The following CD160 variants were observed in gnomAD, a reference collection of about 807,000 sequenced individuals.
CD160 encodes the protein CD160 antigen.
A neutral mutation model predicts 19.2 loss-of-function variants in CD160; 11 were observed. That is an observed-to-expected ratio of 0.57 (90% CI 0.36 to 0.95). The LOEUF (loss-of-function observed/expected upper bound fraction) is 0.95, where lower values mean the gene tolerates loss of function less well. Among genes scored for constraint, CD160 ranks in the 40% least tolerant of loss-of-function variants. The pLI is 0.01. For synonymous variants in CD160, 75 were observed against 81.1 expected (o/e 0.93, Z 0.40); for missense variants, 182 against 213.2 (o/e 0.85, Z 0.91).
chr1:145,720,495 C>T (rs1481996253), intron 1 of CD160, among the ~76,000 whole-genome samples: 1 of 152,190 alleles, frequency 6.6e-6, no homozygotes, highest in Non-Finnish European at 1.5e-5. Context: ...AAGTCTGGTT[C>T]TACTTTAAGG....
At chr1:145,730,516 CTTAA>C (rs1657245147) in intron 3 of CD160, among the ~76,000 whole-genome samples, 1 of 152,090 alleles carries the variant, frequency 6.6e-6, no homozygotes. Flanking sequence ...TATTTAGTCC[CTTAA>C]TTTTCATTTT....
At position 145,730,786 on chromosome 1, in the gene CD160, G is replaced by A. The variant is rs1461357699; in HGVS notation, c.116G>A (p.Arg39Gln). Reference protein sequence around the residue: ...ITSSASQEGTRLNLICTVWHK... With the variant: ...ITSSASQEGTQLNLICTVWHK... The stretch of plus-strand genomic sequence containing the variant: ...AGCTCAGCTTCCCAGGAAGGAACGC[G>A]ACTAAACTTAATCTGTACTGTATGG... The change falls in exon 4 of 6, where the codon CGA becomes CAA. Residue 39 changes from arginine (R) to glutamine (Q), a missense_variant. Physicochemically the swap from Arg to Gln is conservative, Grantham distance 43 (BLOSUM62 1). Transcript: ENST00000369288. 1.3e-5 allele frequency: 21 copies of A among 1,613,894 alleles called. No individual in the cohort carries two copies. The highest frequency in any genetic ancestry group is 1.1e-4 in the African/African-American group (8 of 74,912).
At chr1:145,719,916 A>G (rs1375345726) in intron 1 of CD160, among the ~76,000 whole-genome samples, 1 of 152,082 alleles carries the variant, frequency 6.6e-6, no homozygotes, top group Non-Finnish European at 1.5e-5. Flanking sequence ...CCTGTGAGGC[A>G]CCTCCGGGGG....
At chr1:145,720,569 C>A (rs587693140) in intron 1 of CD160, among the ~76,000 whole-genome samples, 1 of 152,148 alleles carries the variant, frequency 6.6e-6, no homozygotes, top group Middle Eastern at 3.2e-3. Context: ...TCTTTCTGGG[C>A]ATCTTTTTCA....
At chr1:145,733,131 T>C (rs1310614854) in intron 4 of CD160, among the ~76,000 whole-genome samples, 1 of 152,166 alleles carries the variant, frequency 6.6e-6, no homozygotes, top group African/African-American at 2.4e-5. Flanking sequence ...TACTTTTTTT[T>C]TTCTTTTTCT....
rs181920344 is a variant in CD160 at position 145,733,850 on chromosome 1, G to A, written c.401-2147G>A. On this transcript the variant is annotated intron_variant, in intron 4 of 5. Transcript: ENST00000369288. ...CTCTCCCTAGTTCTCATCTACCCACGATTTAAACCAGCATCTCCCTGCAAC... is the reference window on the plus strand; with the variant it reads ...CTCTCCCTAGTTCTCATCTACCCACAATTTAAACCAGCATCTCCCTGCAAC... 5.3e-5 allele frequency among the ~76,000 whole-genome samples: 8 copies of A among 152,040 alleles called. No homozygotes were observed. In the East Asian group the frequency reaches 9.7e-4, roughly 18 times the overall value.
rs587774200 is a variant in CD160, at chr1:145,738,800, C to A, written c.*307C>A. On this transcript the variant is annotated 3_prime_UTR_variant, in exon 6 of 6. Coordinates refer to ENST00000369288, the MANE Select transcript of CD160 (RefSeq NM_007053.4). ...CGGATAAATATATGCGTTTTTGTAC[C>A]CCAGAAAAACTTTTCCTCCCTCTTC... 10 of 236,200 alleles carry A rather than the reference C, an allele frequency of 4.2e-5. No homozygotes were observed. The highest frequency in any genetic ancestry group is 7.3e-5 in the Non-Finnish European group (9 of 122,682). 14.6% of individuals were successfully genotyped at this position (236,200 alleles called of 1,614,324 possible). A position where few individuals can be genotyped will look rare whatever the true frequency, so the allele number is the denominator to read the frequency against.
chr1:145,738,252 AT>A (rs1553710510), intron 5 of CD160: 1 of 344,754 alleles, frequency 2.9e-6, no homozygotes, highest in Non-Finnish European at 5.3e-6. Flanking sequence ...GCAAGGAGCG[AT>A]CAAAGGCTAG....
At chr1:145,736,688 G>C (rs1257422388) in intron 5 of CD160, 1 of 159,758 alleles carries the variant, frequency 6.3e-6, no homozygotes, top group Non-Finnish European at 1.4e-5. Flanking sequence ...AACTGATTCA[G>C]GTTTTTGCCT....
At chr1:145,725,351 A>C (rs782802757) in intron 2 of CD160, among the ~76,000 whole-genome samples, 1 of 152,070 alleles carries the variant, frequency 6.6e-6, no homozygotes, top group Non-Finnish European at 1.5e-5. Flanking sequence ...AGGCTGAGGC[A>C]GGAGAATCGC....
chr1:145,737,879 A>G (rs1553710429), intron 5 of CD160: 1 of 152,168 alleles, frequency 6.6e-6, no homozygotes, highest in African/African-American at 2.4e-5. Context: ...AAGTTAACCA[A>G]AGGAAAAAAC....
chr1:145,732,161 T>C (rs1657322408), intron 4 of CD160, among the ~76,000 whole-genome samples: 1 of 152,082 alleles, frequency 6.6e-6, no homozygotes, highest in Non-Finnish European at 1.5e-5. Context: ...GAGCAAGCCT[T>C]CAAAATTCTG....
At chr1:145,736,315 A>G (rs782462037) in intron 5 of CD160, 181 bp downstream of exon 5, 2 of 1,534,592 alleles carry the variant, frequency 1.3e-6, no homozygotes, top group East Asian at 4.8e-5. Flanking sequence ...AAAGGCACTA[A>G]GGAGGAAGAC....
chr1:145,736,247 A>T, intron 5 of CD160, 113 bp downstream of exon 5: 1 of 1,570,704 alleles, frequency 6.4e-7, no homozygotes, highest in Non-Finnish European at 8.6e-7. Flanking sequence ...GGGGGAGAGA[A>T]AAATGTTACT....
chr1:145,731,104 G>T, intron 4 of CD160, 34 bp downstream of exon 4: 1 of 1,540,544 alleles, frequency 6.5e-7, no homozygotes, highest in South Asian at 1.2e-5. Context: ...GCCACCAGGT[G>T]GGACAGTGAG....
intron 5 of CD160, 33 bp downstream of exon 5, chr1:145,736,167 A>T: frequency 6.2e-7 from 1 of 1,613,820 alleles, no homozygotes; most frequent in Non-Finnish European, 8.5e-7. Flanking sequence ...CACCCCAAGC[A>T]ATGAGGGTGC....
Position 145,738,677 on chromosome 1 carries a change from C to T in CD160, c.*184C>T, listed in dbSNP as rs1160307918. On this transcript the variant is annotated 3_prime_UTR_variant, in exon 6 of 6. Transcript: ENST00000369288. ...CAAATCAGTGTAATCCTTGACTTTG[C>T]TCCTCACCATCAGGGCAAACTTGCC... 1 of 410,848 alleles carries T rather than the reference C, an allele frequency of 2.4e-6. No individual in the cohort carries two copies. The highest frequency in any genetic ancestry group is 4.3e-6 in the Non-Finnish European group (1 of 233,462). 25.5% of individuals were successfully genotyped at this position (410,848 alleles called of 1,614,324 possible).
rs1250996576 is a variant in CD160 at position 145,728,384 on chromosome 1, G to A, written c.57G>A (p.Val19=). ...CCCTGGCCATCCTGCTGGCAATTGT[G>A]GACATCCAGTCTGGTGGTGAGGATA... The part of the protein sequence containing the change: ...CCALAILLAI[V]DIQSGGCINI... The change falls in exon 3 of 6, where the codon GTG becomes GTA. Residue 19 remains valine, a synonymous_variant. Coordinates refer to ENST00000369288, the MANE Select transcript of CD160 (RefSeq NM_007053.4). 8 of 1,612,288 alleles carry A rather than the reference G, an allele frequency of 5.0e-6. No individual in the cohort carries two copies. Among genetic ancestry groups the A allele is most frequent in the African/African-American group, 1.3e-5 (1 of 74,838 alleles).
chr1:145,728,162 T>C (rs1657126487), intron 2 of CD160, 94 bp from the exon 3 acceptor site: 3 of 603,988 alleles, frequency 5.0e-6, no homozygotes, highest in African/African-American at 3.7e-5. Flanking sequence ...TCTACCTCCA[T>C]CATACTCTAG....
Sources: allele counts gnomAD v4.1 joint callset (sites outside exome capture counted in the v4.1 genomes callset), GRCh38; gene constraint gnomAD v4.1.1; transcripts MANE v1.5; gene names NCBI Gene and HGNC (gene_info 2026-07-23, HGNC 2026-07-21).